CDH17: variants seen among roughly 807,000 people sequenced by gnomAD.
The protein encoded by CDH17 is cadherin 17, also known as cadherin-17.
In CDH17, 67 loss-of-function variants were observed where a neutral mutation model predicts 86.3. The ratio of observed to expected loss-of-function variants is 0.78; its 90% CI spans 0.64 to 0.95. CDH17 has a LOEUF of 0.95. CDH17 is among the 40% of genes least tolerant of loss of function. The pLI is 0.00. For synonymous variants in CDH17, 367 were observed against 366.4 expected (o/e 1.00, Z -0.02); for missense variants, 993 against 1,017.6 (o/e 0.98, Z 0.33).
intron 12 of CDH17, among the ~76,000 whole-genome samples, chr8:94,153,612 AAAC>A (rs1175561409): frequency 6.6e-6 from 1 of 152,206 alleles, no homozygotes; most frequent in African/African-American, 2.4e-5. Flanking sequence ...GTCGAACAAC[AAAC>A]AACTGGATAA....
intron 12 of CDH17, among the ~76,000 whole-genome samples, chr8:94,154,585 A>C (rs77819731): frequency 0.023 from 3,433 of 152,250 alleles, 125 homozygotes; most frequent in African/African-American, 0.079. Context: ...ATTTTGGTTT[A>C]ATATGAGGCA....
intron 4 of CDH17, 21 bp downstream of exon 4, chr8:94,177,566 C>T (rs1813398652): frequency 1.9e-6 from 3 of 1,613,220 alleles, no homozygotes; most frequent in African/African-American, 1.3e-5. Flanking sequence ...AGTTAGATCC[C>T]TTCAGCTGGT....
chr8:94,170,717 T>A (rs1813252825), intron 8 of CDH17, 137 bp downstream of exon 8: 2 of 1,357,712 alleles, frequency 1.5e-6, no homozygotes, highest in Admixed American at 4.7e-5. Context: ...AATTATCATG[T>A]CTTTGAAAAC....
intron 3 of CDH17, among the ~76,000 whole-genome samples, chr8:94,181,789 G>C (rs541908807): frequency 2.6e-5 from 4 of 151,490 alleles, no homozygotes; most frequent in African/African-American, 9.7e-5. Context: ...ACAAAGATCA[G>C]AGTGGAAATT....
At chr8:94,187,582 A>G (rs1263041939) in intron 3 of CDH17, among the ~76,000 whole-genome samples, 1 of 152,024 alleles carries the variant, frequency 6.6e-6, no homozygotes, top group Non-Finnish European at 1.5e-5. Context: ...TTGTAGCCAG[A>G]GTGACCTTTT....
chr8:94,196,145 T>G (rs1345539427), intron 1 of CDH17, among the ~76,000 whole-genome samples: 2 of 152,248 alleles, frequency 1.3e-5, no homozygotes, highest in African/African-American at 4.8e-5. Flanking sequence ...AATCTTGGTT[T>G]ACTTCATCAT....
chr8:94,170,950 T>C lies in CDH17; in HGVS notation c.819A>G (p.Leu273=). Residue 273 remains leucine, a synonymous_variant, in exon 8 of 18, where the codon TTA becomes TTG. Coordinates refer to ENST00000027335, the MANE Select transcript of CDH17 (RefSeq NM_004063.4). ...RWNDPGAQYS[L]VDKEKLPRFP... ...ATCTTGGCAGCTTCTCTTTGTCAACTAAGGAATATTGTGCACCGGGATCAT... is the reference window on the plus strand; with the variant it reads ...ATCTTGGCAGCTTCTCTTTGTCAACCAAGGAATATTGTGCACCGGGATCAT... The C allele has an allele frequency of 1.2e-6, 2 of 1,613,846 alleles. No individual in the cohort carries two copies. The highest frequency in any genetic ancestry group is 1.7e-6 in the Non-Finnish European group (2 of 1,179,814).
In CDH17 at chr8:94,170,968, G is replaced by C; in HGVS notation, c.801C>G (p.Pro267=). 6.2e-7 allele frequency: 1 copy of C among 1,613,568 alleles called. No homozygotes were observed. The highest frequency in any genetic ancestry group is 8.5e-7 in the Non-Finnish European group (1 of 1,179,730). Reference sequence around the variant, plus strand: ...TGTCAACTAAGGAATATTGTGCACCGGGATCATTCCACCGCACCTACAGGG... The same window carrying C: ...TGTCAACTAAGGAATATTGTGCACCCGGATCATTCCACCGCACCTACAGGG... The part of the protein sequence containing the change: ...IKITQVRWND[P]GAQYSLVDKE... Residue 267 remains proline, a synonymous_variant, in exon 8 of 18, where the codon CCC becomes CCG. Coordinates refer to ENST00000027335, the MANE Select transcript of CDH17 (RefSeq NM_004063.4).
intron 2 of CDH17, 33 bp from the exon 3 acceptor site, chr8:94,189,318 G>A (rs758422140): frequency 6.8e-7 from 1 of 1,462,240 alleles, no homozygotes; most frequent in Admixed American, 1.9e-5. Context: ...TTAGCATCTT[G>A]TATGAAGTGT....
intron 17 of CDH17, 72 bp downstream of exon 17, chr8:94,130,554 G>T: frequency 9.8e-7 from 1 of 1,023,682 alleles, no homozygotes. Context: ...AGTCCAGGAA[G>T]ACAGGCCCTG....
At chr8:94,213,377 A>G (rs1814150938), upstream of CDH17, among the ~76,000 whole-genome samples, 1 of 152,208 alleles carries the variant, frequency 6.6e-6, no homozygotes, top group Admixed American at 6.5e-5. Context: ...AGCAAAGCCT[A>G]TTCTGAATTG....
intron 9 of CDH17, among the ~76,000 whole-genome samples, chr8:94,169,022 C>T (rs1453310737): frequency 1.3e-5 from 2 of 152,182 alleles, no homozygotes; most frequent in Admixed American, 1.3e-4. Context: ...TGACATGATA[C>T]ATGCTTGTTG....
At chr8:94,159,101 T>C (rs544826894) in intron 12 of CDH17, among the ~76,000 whole-genome samples, 4 of 152,310 alleles carry the variant, frequency 2.6e-5, no homozygotes, top group African/African-American at 4.8e-5. Context: ...CATTGAGTGC[T>C]GCTTCCAATT....
At chr8:94,215,776 C>T (rs1407110377) in intron 1 of CDH17, among the ~76,000 whole-genome samples, 6 of 151,928 alleles carry the variant, frequency 3.9e-5, no homozygotes, top group African/African-American at 9.7e-5. Flanking sequence ...TCAGTTACCT[C>T]GGTCTAGGCC....
chr8:94,194,432 G>T (rs1813742168), intron 2 of CDH17, among the ~76,000 whole-genome samples: 1 of 152,192 alleles, frequency 6.6e-6, no homozygotes, highest in African/African-American at 2.4e-5. Flanking sequence ...ACATTCCCTA[G>T]TCGAGGGCAG....
Position 94,206,166 on chromosome 8 carries a change from GA to G in CDH17, c.-21+2316del, listed in dbSNP as rs58752556. On this transcript the variant is annotated intron_variant, in intron 1 of 17. Coordinates refer to ENST00000027335, the MANE Select transcript of CDH17 (RefSeq NM_004063.4). ...TTAGCTTGTTACGTATTGCTTAAGTGAAAAAAAAAAATCAACTTTAGTGTAG... is the reference window on the plus strand; with the variant it reads ...TTAGCTTGTTACGTATTGCTTAAGTGAAAAAAAAAATCAACTTTAGTGTAG... Among the ~76,000 whole-genome samples the G allele has an allele frequency of 6.9e-3, 1,031 of 149,046 alleles. 13 individuals carry two copies. Among genetic ancestry groups the G allele is most frequent in the East Asian group, 0.035 (181 of 5,112 alleles).
intron 13 of CDH17, 69 bp from the exon 14 acceptor site, chr8:94,148,943 CGTCA>C: frequency 7.2e-7 from 1 of 1,384,886 alleles, no homozygotes; most frequent in Non-Finnish European, 9.9e-7. Context: ...CTAGTTTGTG[CGTCA>C]ACTAAATATG....
intron 1 of CDH17, among the ~76,000 whole-genome samples, chr8:94,200,532 CTTTTGTTTTTTTTTT>C (rs1490085714): frequency 2.2e-4 from 11 of 50,242 alleles, no homozygotes; most frequent in South Asian, 1.4e-3. Context: ...TTATTATTAT[CTTTTGTTTTTTTTTT>C]TTTTTTTTTT....
At chr8:94,170,686 G>C in intron 8 of CDH17, 139 bp from the exon 9 acceptor site, 1 of 1,323,508 alleles carries the variant, frequency 7.6e-7, no homozygotes, top group Non-Finnish European at 1.0e-6. Context: ...TAAAAACTGA[G>C]ATGGGTCAGA....
Sources: gnomAD v4.1 joint callset for allele counts (sites outside exome capture counted in the v4.1 genomes callset) on GRCh38, gnomAD v4.1.1 for gene constraint, MANE v1.5 for transcripts, NCBI Gene and HGNC (gene_info 2026-07-23, HGNC 2026-07-21) for gene names.